The following FNDC3B variants were observed in gnomAD, a reference collection of about 807,000 sequenced individuals.
FNDC3B encodes the protein fibronectin type III domain containing 3B.
A neutral mutation model predicts 151.5 loss-of-function variants in FNDC3B; 12 were observed. The observed-to-expected ratio is 0.08, with a 90% CI of 0.05 to 0.13. The LOEUF is 0.13. Ranked by LOEUF, FNDC3B falls within the 10% of genes least tolerant of loss-of-function variation. The pLI, the probability that FNDC3B is intolerant of heterozygous loss-of-function variation, is 1.00. For missense variants in FNDC3B, 1,214 were observed against 1,505.3 expected (o/e 0.81, Z 3.20); for synonymous variants, 528 against 549.0 (o/e 0.96, Z 0.54).
At chr3:172,310,794 A>G (rs1411675477) in intron 10 of FNDC3B, 34 bp from the exon 11 acceptor site, 2 of 1,534,204 alleles carry the variant, frequency 1.3e-6, no homozygotes, top group Admixed American at 1.7e-5. Context: ...TCTGTGAACA[A>G]CTTTCTCTAA....
intron 3 of FNDC3B, among the ~76,000 whole-genome samples, chr3:172,139,294 C>T (rs1271471269): frequency 6.6e-6 from 1 of 152,114 alleles, no homozygotes; most frequent in East Asian, 1.9e-4. Flanking sequence ...TTTGGGTTGT[C>T]TCTTGCTTTG....
chr3:172,278,362 A>G (rs567520759), intron 6 of FNDC3B, among the ~76,000 whole-genome samples: 26 of 152,318 alleles, frequency 1.7e-4, no homozygotes, highest in African/African-American at 5.8e-4. Context: ...AAGTTGTTCT[A>G]TCCTGTGTTT....
intron 1 of FNDC3B, among the ~76,000 whole-genome samples, chr3:172,102,370 A>T (rs1447027812): frequency 1.3e-5 from 2 of 152,166 alleles, no homozygotes. Context: ...TCCAGAAAGC[A>T]ATCAGTTGTT....
intron 1 of FNDC3B, among the ~76,000 whole-genome samples, chr3:172,076,099 T>C (rs1396936350): frequency 2.0e-5 from 3 of 152,192 alleles, no homozygotes; most frequent in Non-Finnish European, 2.9e-5. Flanking sequence ...ATCACCATAC[T>C]GGTCGGTTGT....
At chr3:172,169,761 C>A (rs1452829942) in intron 3 of FNDC3B, among the ~76,000 whole-genome samples, 1 of 152,224 alleles carries the variant, frequency 6.6e-6, no homozygotes, top group Non-Finnish European at 1.5e-5. Context: ...CATTTCACTT[C>A]CACTGGATGA....
rs910528832 is a variant in FNDC3B at position 172,252,485 on chromosome 3, T to C, written c.790+944T>C. Among the ~76,000 whole-genome samples the C allele has an allele frequency of 3.9e-4, 59 of 151,476 alleles. 1 individual carries two copies. Among genetic ancestry groups the C allele is most frequent in the Non-Finnish European group, 6.8e-4 (46 of 67,840 alleles). Reference sequence around the variant, plus strand: ...GTAAGGAATCTGATTATAACACTCATTGATTATAACACTCATTGAATTTAT... The same window carrying C: ...GTAAGGAATCTGATTATAACACTCACTGATTATAACACTCATTGAATTTAT... On this transcript the variant is annotated intron_variant, in intron 6 of 25. Coordinates refer to ENST00000415807, the MANE Select transcript of FNDC3B (RefSeq NM_022763.4).
intron 3 of FNDC3B, chr3:172,186,571 T>C: frequency 3.3e-6 from 2 of 608,366 alleles, no homozygotes; most frequent in South Asian, 4.0e-5. Context: ...GTTTCTAGTG[T>C]CTTGGCACTA....
chr3:172,385,934 A>C (rs1285058661), intron 25 of FNDC3B, among the ~76,000 whole-genome samples: 1 of 151,582 alleles, frequency 6.6e-6, no homozygotes, highest in Non-Finnish European at 1.5e-5. Flanking sequence ...TGAAGCATCA[A>C]CTCTAACTTT....
chr3:172,075,488 A>G (rs1271687614), intron 1 of FNDC3B, among the ~76,000 whole-genome samples: 1 of 152,190 alleles, frequency 6.6e-6, no homozygotes, highest in Non-Finnish European at 1.5e-5. Flanking sequence ...ACACGTCAAC[A>G]ACAACAAAAA....
At chr3:172,332,956 T>C in intron 13 of FNDC3B, 133 bp from the exon 14 acceptor site, 1 of 728,654 alleles carries the variant, frequency 1.4e-6, no homozygotes, top group Non-Finnish European at 2.5e-6. Context: ...TTTTTCTCTT[T>C]TGCGGTAGCT....
intron 1 of FNDC3B, among the ~76,000 whole-genome samples, chr3:172,086,701 T>A (rs929672678): frequency 6.6e-6 from 1 of 152,238 alleles, no homozygotes; most frequent in Non-Finnish European, 1.5e-5. Flanking sequence ...AGTTGTTAGA[T>A]CAGAGTTATC....
chr3:172,287,031 A>G (rs1211466638), intron 7 of FNDC3B, among the ~76,000 whole-genome samples: 1 of 152,174 alleles, frequency 6.6e-6, no homozygotes, highest in Non-Finnish European at 1.5e-5. Flanking sequence ...CTGTTAGAAT[A>G]GATATCAAAT....
At chr3:172,362,608 T>A (rs775072632) in intron 22 of FNDC3B, 25 bp from the exon 23 acceptor site, 36 of 1,541,688 alleles carry the variant, frequency 2.3e-5, no homozygotes, top group Non-Finnish European at 2.6e-5. Context: ...CTGCATTGTC[T>A]GTATTTTTTT....
At chr3:172,223,271 T>G (rs907786274) in intron 3 of FNDC3B, among the ~76,000 whole-genome samples, 1 of 152,238 alleles carries the variant, frequency 6.6e-6, no homozygotes, top group African/African-American at 2.4e-5. Context: ...TTTTGCTAGC[T>G]TTTAAACTCC....
chr3:172,371,155 C>T (rs73167292), intron 23 of FNDC3B, among the ~76,000 whole-genome samples: 16,930 of 151,966 alleles, frequency 0.11, 1,127 homozygotes, highest in African/African-American at 0.19. Context: ...GCTCCAGTCC[C>T]TTATATAAAA....
At chr3:172,257,894 T>C (rs113014217) in intron 6 of FNDC3B, among the ~76,000 whole-genome samples, 2 of 152,062 alleles carry the variant, frequency 1.3e-5, no homozygotes, top group African/African-American at 4.8e-5. Context: ...TGAGAACTGC[T>C]GGCTCTTTGA....
chr3:172,281,910 A>G (rs1263138904), intron 6 of FNDC3B, among the ~76,000 whole-genome samples: 1 of 151,756 alleles, frequency 6.6e-6, no homozygotes, highest in Admixed American at 6.6e-5. Context: ...GAGACAGGAG[A>G]AAAAAAACAA....
rs549284511 is a variant in FNDC3B at position 172,167,171 on chromosome 3, G to A, written c.187+33625G>A. 6.6e-5 allele frequency among the ~76,000 whole-genome samples: 10 copies of A among 152,256 alleles called. No individual in the cohort carries two copies. In the East Asian group the frequency reaches 1.2e-3, roughly 18 times the overall value. ...AGCACTTTGGGAGGCTGAGGCGGGC[G>A]GATCACCTGAGGTCAGGAGTTTAAG... On this transcript the variant is annotated intron_variant, in intron 3 of 25. Transcript: ENST00000415807.
At position 172,394,551 on chromosome 3, in the gene FNDC3B, A is replaced by G. The variant is rs907608855; in HGVS notation, c.3304-2613A>G. On this transcript the variant is annotated intron_variant, in intron 25 of 25. Transcript: ENST00000415807. ...CATGCAACTTATCAAGACTGAAGAAATAGAAAATCCAACAGACCAATGGGT... is the reference window on the plus strand; with the variant it reads ...CATGCAACTTATCAAGACTGAAGAAGTAGAAAATCCAACAGACCAATGGGT... Among the ~76,000 whole-genome samples the G allele has an allele frequency of 2.0e-5, 3 of 152,242 alleles. 1 individual carries two copies. Among genetic ancestry groups the G allele is most frequent in the African/African-American group, 7.2e-5 (3 of 41,456 alleles).
Sources: gnomAD v4.1 joint callset for allele counts (sites outside exome capture counted in the v4.1 genomes callset) on GRCh38, gnomAD v4.1.1 for gene constraint, MANE v1.5 for transcripts, NCBI Gene and HGNC (gene_info 2026-07-23, HGNC 2026-07-21) for gene names.